Variants in MAML2 observed in about 807,000 individuals in gnomAD.
MAML2 encodes the protein mastermind-like protein 2.
A neutral mutation model predicts 96.1 loss-of-function variants in MAML2; 22 were observed. The observed-to-expected ratio is 0.23, with a 90% CI of 0.16 to 0.33. MAML2 has a LOEUF of 0.33. Among genes scored for constraint, MAML2 ranks in the 10% least tolerant of loss-of-function variants. The pLI, the probability that MAML2 is intolerant of heterozygous loss-of-function variation, is 1.00. For missense variants in MAML2, 1,367 were observed against 1,392.4 expected, an observed-to-expected ratio of 0.98 and a Z score of 0.29; for synonymous variants, 561 against 521.3, an observed-to-expected ratio of 1.08 and a Z score of -1.04.
chr11:96,290,048 G>A (rs1323668900), intron 1 of MAML2, among the ~76,000 whole-genome samples: 1 of 152,112 alleles, frequency 6.6e-6, no homozygotes, highest in Non-Finnish European at 1.5e-5. Flanking sequence ...TACTTTGTTA[G>A]CCGTTGGCAG....
At chr11:96,336,756 A>G (rs890926403) in intron 1 of MAML2, among the ~76,000 whole-genome samples, 6 of 152,230 alleles carry the variant, frequency 3.9e-5, no homozygotes, top group Non-Finnish European at 8.8e-5. Flanking sequence ...ACAGCTAATT[A>G]TGGCCACTCT....
chr11:96,008,749 C>T (rs1437497124), intron 2 of MAML2, among the ~76,000 whole-genome samples: 2 of 152,190 alleles, frequency 1.3e-5, no homozygotes, highest in Non-Finnish European at 2.9e-5. Context: ...GCTTCATGTA[C>T]ATGTTGCCAA....
At chr11:96,145,472 C>T (rs1043423469) in intron 1 of MAML2, among the ~76,000 whole-genome samples, 1 of 152,210 alleles carries the variant, frequency 6.6e-6, no homozygotes, top group Non-Finnish European at 1.5e-5. Context: ...TAACATCATG[C>T]TGCCTTGTGA....
At chr11:96,133,448 T>C (rs778056274) in intron 1 of MAML2, among the ~76,000 whole-genome samples, 4 of 152,236 alleles carry the variant, frequency 2.6e-5, no homozygotes, top group Non-Finnish European at 4.4e-5. Flanking sequence ...CATGTCTTCA[T>C]GCATGGGAGT....
intron 1 of MAML2, among the ~76,000 whole-genome samples, chr11:96,174,176 C>G (rs762717814): frequency 6.6e-6 from 1 of 152,146 alleles, no homozygotes; most frequent in Non-Finnish European, 1.5e-5. Context: ...GAAAACCCTT[C>G]CTGGCTCAGC....
chr11:96,167,995 G>A (rs567623214), intron 1 of MAML2, among the ~76,000 whole-genome samples: 1 of 152,250 alleles, frequency 6.6e-6, no homozygotes, highest in Admixed American at 6.5e-5. Context: ...CTGCGGTTGG[G>A]GCTGGGAGGG....
At chr11:95,980,073 T>A (rs1857713377) in intron 4 of MAML2, 110 bp from the exon 5 acceptor site, 1 of 790,132 alleles carries the variant, frequency 1.3e-6, no homozygotes, top group Non-Finnish European at 2.0e-6. Context: ...GTAAGACAAT[T>A]TAGGCGAAAT....
At chr11:96,109,769 G>A (rs2135830670) in intron 1 of MAML2, among the ~76,000 whole-genome samples, 1 of 152,290 alleles carries the variant, frequency 6.6e-6, no homozygotes. Context: ...TGAGATGTCT[G>A]TGGGGCATGT....
chr11:96,242,035 A>T (rs481162), intron 1 of MAML2, among the ~76,000 whole-genome samples: 38,071 of 152,152 alleles, frequency 0.25, 4,925 homozygotes, highest in Admixed American at 0.32. Context: ...TGATTGGAGC[A>T]GAAAGCTAAG....
intron 2 of MAML2, among the ~76,000 whole-genome samples, chr11:96,060,284 G>A (rs1859134227): frequency 6.6e-6 from 1 of 152,184 alleles, no homozygotes; most frequent in Non-Finnish European, 1.5e-5. Context: ...AGAAAAACTA[G>A]TAAATTTTAC....
rs758127629 is a variant in MAML2 at position 95,985,663 on chromosome 11, C to T, written c.2344-21G>A. ...TTCTCCTTGAGAAATGATATGAAAG[C>T]ATATTATGTTGCATCATTCCCTTTT... On this transcript the variant is annotated intron_variant, in intron 3 of 4. Transcript: ENST00000524717. 2.0e-6 allele frequency: 3 copies of T among 1,468,016 alleles called. No individual in the cohort carries two copies. The South Asian group carries it at 3.5e-5, about 17-fold the overall frequency. The allele number at this position is 1,468,016 out of a possible 1,614,324, so 90.9% of individuals were successfully genotyped here.
rs764672454 is a variant in MAML2 at position 96,092,243 on chromosome 11, C to CTGCTGT, written c.1787_1788insACAGCA (p.Gln620_Gln621dup). ...GCTGCTGCTGCTGCTGCTGCTGCTG[C>CTGCTGT]TGCTGCTGTTGCTGCTGTTGCTGTT... On this transcript the variant is annotated inframe_insertion, in exon 2 of 5. Coordinates refer to ENST00000524717, the MANE Select transcript of MAML2 (RefSeq NM_032427.4). The surrounding 1 kb of genome is among the most constrained non-coding windows in gnomAD (Gnocchi z 4.1). 5 of 653,082 alleles carry CTGCTGT rather than the reference C, an allele frequency of 7.7e-6. No individual in the cohort carries two copies. Among genetic ancestry groups the CTGCTGT allele is most frequent in the Non-Finnish European group, 1.2e-5 (5 of 434,142 alleles). 40.5% of individuals were successfully genotyped at this position (653,082 alleles called of 1,614,324 possible).
intron 1 of MAML2, among the ~76,000 whole-genome samples, chr11:96,164,048 T>C (rs1861155357): frequency 6.6e-6 from 1 of 151,440 alleles, no homozygotes; most frequent in Admixed American, 6.6e-5. Context: ...TTTTTTTTGG[T>C]ATTTTTAGTA....
intron 1 of MAML2, among the ~76,000 whole-genome samples, chr11:96,281,436 G>A (rs1273450435): frequency 6.6e-6 from 1 of 152,144 alleles, no homozygotes; most frequent in East Asian, 1.9e-4. Context: ...CAGGAATGGG[G>A]CTGCAAAAGG....
In MAML2 at chr11:96,092,066, CTGTTGTTGT is replaced by C. The variant is rs1208235627; in HGVS notation, c.1956_1964del (p.Gln663_Gln665del). 3.2e-6 allele frequency: 5 copies of C among 1,551,762 alleles called. No individual in the cohort carries two copies. The East Asian group carries it at 9.8e-5, about 30-fold the overall frequency. ...GCTGCTGCTGCTGCTGCTGTTGTTG[CTGTTGTTGT>C]TGCTGCTGCTGCTGCTGTTGTTGCT... On this transcript the variant is annotated inframe_deletion, in exon 2 of 5. Coordinates refer to ENST00000524717, the MANE Select transcript of MAML2 (RefSeq NM_032427.4). The surrounding 1 kb of genome is among the most constrained non-coding windows in gnomAD (Gnocchi z 4.1).
At chr11:96,148,090 C>T (rs145845526) in intron 1 of MAML2, among the ~76,000 whole-genome samples, 170 of 152,336 alleles carry the variant, frequency 1.1e-3, no homozygotes, top group African/African-American at 3.8e-3. Flanking sequence ...TGCGTATACA[C>T]GACGAGCACA....
chr11:96,126,514 A>C (rs1217841650), intron 1 of MAML2, among the ~76,000 whole-genome samples: 4 of 152,200 alleles, frequency 2.6e-5, no homozygotes, highest in Admixed American at 2.0e-4. Flanking sequence ...GTGAGCCCAG[A>C]TCACACCACT....
chr11:96,130,879 C>T (rs1860538145), intron 1 of MAML2, among the ~76,000 whole-genome samples: 1 of 151,574 alleles, frequency 6.6e-6, no homozygotes, highest in African/African-American at 2.4e-5. Flanking sequence ...TTGTCTAGGA[C>T]CATCCAAAAA....
chr11:96,287,664 C>T (rs191964001), intron 1 of MAML2, among the ~76,000 whole-genome samples: 13 of 152,258 alleles, frequency 8.5e-5, no homozygotes, highest in Admixed American at 2.6e-4. Flanking sequence ...GACAATCTAG[C>T]GTTAAGTAGA....
Sources: allele counts gnomAD v4.1 joint callset (sites outside exome capture counted in the v4.1 genomes callset), GRCh38; gene constraint gnomAD v4.1.1; non-coding constraint Gnocchi (gnomAD v3.1); transcripts MANE v1.5; gene names NCBI Gene and HGNC (gene_info 2026-07-23, HGNC 2026-07-21).